MMP17: variants seen among roughly 807,000 people sequenced by gnomAD.
The protein encoded by MMP17 is matrix metalloproteinase-17.
Under a neutral mutation model 49.1 loss-of-function variants are expected in MMP17, and 54 were observed. The ratio of observed to expected loss-of-function variants is 1.10; its 90% CI spans 0.88 to 1.38. The LOEUF is 1.38. MMP17 is among the 40% of genes most tolerant of loss of function. MMP17 has a pLI of 0.00. For synonymous variants in MMP17, 397 were observed against 383.1 expected, an observed-to-expected ratio of 1.04 and a Z score of -0.42; for missense variants, 837 against 853.7, an observed-to-expected ratio of 0.98 and a Z score of 0.24.
chr12:131,844,751 C>A, intron 6 of MMP17: 1 of 309,396 alleles, frequency 3.2e-6, no homozygotes, highest in East Asian at 6.6e-5. Flanking sequence ...TCGCTGTGAA[C>A]ACGCTTCTTG....
rs376090392 is a variant in MMP17, at chr12:131,851,046, C to T, written c.1584C>T (p.Ala528=). The change falls in exon 10 of 10, where the codon GCC becomes GCT. Residue 528 remains alanine, a synonymous_variant. Coordinates refer to ENST00000360564, the MANE Select transcript of MMP17 (RefSeq NM_016155.7). The part of the protein sequence containing the change: ...RDWLVCGDSQ[A]DGSVAAGVDA... ...GGCTGGTGTGTGGAGACTCACAGGC[C>T]GATGGATCTGTGGCTGCGGGCGTGG... 18 of 1,609,068 alleles carry T rather than the reference C, an allele frequency of 1.1e-5. No individual in the cohort carries two copies. Among genetic ancestry groups the T allele is most frequent in the Admixed American group, 6.7e-5 (4 of 59,530 alleles).
At position 131,846,334 on chromosome 12, in the gene MMP17, C is replaced by T. The variant is rs774422791; in HGVS notation, c.1204+885C>T. Reference sequence around the variant, plus strand: ...TCCGCATCTTCTCTTATAAGGAAGCCGGGCCTTGATTCAGGTCCCCTAGTC... The same window carrying T: ...TCCGCATCTTCTCTTATAAGGAAGCTGGGCCTTGATTCAGGTCCCCTAGTC... On this transcript the variant is annotated intron_variant, in intron 8 of 9. Coordinates refer to ENST00000360564, the MANE Select transcript of MMP17 (RefSeq NM_016155.7). This position sits in a 1 kb window ranked among gnomAD's most constrained non-coding sequence, Gnocchi z 4.6. Among the ~76,000 whole-genome samples, 21 of 152,096 alleles carry T rather than the reference C, an allele frequency of 1.4e-4. No homozygotes were observed. The highest frequency in any genetic ancestry group is 2.1e-4 in the Non-Finnish European group (14 of 68,008).
At chr12:131,838,003 C>T in intron 1 of MMP17, 192 bp from the exon 2 acceptor site, 1 of 626,526 alleles carries the variant, frequency 1.6e-6, no homozygotes, top group Admixed American at 3.3e-5. Context: ...AGCCACAGCA[C>T]CCGGCCAGGG....
chr12:131,851,109 TGACCAGAGCCGCTCGGA>T lies in MMP17; in HGVS notation c.1649_1665del (p.Asp550GlyfsTer56). ...GGCCCCGCGCCCCTCCAGGACAACA[TGACCAGAGCCGCTCGGA>T]GGACGGTTACGAGGTCTGCTCATGC... On this transcript the variant is annotated frameshift_variant, in exon 10 of 10. Coordinates refer to ENST00000360564, the MANE Select transcript of MMP17 (RefSeq NM_016155.7). LOFTEE classifies it low-confidence loss of function (END_TRUNC). 1 of 1,595,618 alleles carries T rather than the reference TGACCAGAGCCGCTCGGA, an allele frequency of 6.3e-7. No homozygotes were observed. The highest frequency in any genetic ancestry group is 2.3e-5 in the East Asian group (1 of 43,794).
chr12:131,848,336 T>C (rs1363535152), intron 8 of MMP17, among the ~76,000 whole-genome samples: 1 of 152,240 alleles, frequency 6.6e-6, no homozygotes, highest in Non-Finnish European at 1.5e-5. Flanking sequence ...TCCACCCACC[T>C]TGGCCTCCCA....
At chr12:131,832,840 C>A (rs1358246307) in intron 1 of MMP17, among the ~76,000 whole-genome samples, 2 of 152,238 alleles carry the variant, frequency 1.3e-5, no homozygotes, top group Non-Finnish European at 2.9e-5. Flanking sequence ...ACACCCGCTC[C>A]TCTGCGCTGT....
At chr12:131,830,552 A>G (rs1305860063) in intron 1 of MMP17, among the ~76,000 whole-genome samples, 1 of 152,162 alleles carries the variant, frequency 6.6e-6, no homozygotes, top group African/African-American at 2.4e-5. Flanking sequence ...GCTCAGGCCC[A>G]GGGGCGGGCG....
intron 1 of MMP17, among the ~76,000 whole-genome samples, chr12:131,832,315 G>C (rs1886865212): frequency 1.1e-5 from 1 of 87,314 alleles, no homozygotes; most frequent in Admixed American, 1.2e-4. Context: ...GGGGGGACGG[G>C]AACGGGGAAG....
chr12:131,847,361 T>C (rs533722430), intron 8 of MMP17, among the ~76,000 whole-genome samples: 17 of 137,614 alleles, frequency 1.2e-4, no homozygotes, highest in Middle Eastern at 3.9e-3. Flanking sequence ...TGCAGTGAGG[T>C]GAGATCACAC....
At chr12:131,848,366 A>G (rs904519033) in intron 8 of MMP17, among the ~76,000 whole-genome samples, 2 of 152,190 alleles carry the variant, frequency 1.3e-5, no homozygotes, top group Non-Finnish European at 2.9e-5. Flanking sequence ...GATTACAGGC[A>G]TGAGCCACCA....
intron 8 of MMP17, among the ~76,000 whole-genome samples, chr12:131,848,866 G>A (rs1887835703): frequency 6.6e-6 from 1 of 152,224 alleles, no homozygotes; most frequent in Non-Finnish European, 1.5e-5. Flanking sequence ...ACGCTGCTAT[G>A]AGCGTGAGTG....
At chr12:131,840,942 A>C (rs1593230517) in intron 4 of MMP17, 86 bp downstream of exon 4, 1 of 1,413,176 alleles carries the variant, frequency 7.1e-7, no homozygotes, top group Non-Finnish European at 9.3e-7. Context: ...CCCATCCCCA[A>C]CCCTGCGGCT....
intron 3 of MMP17, 155 bp from the exon 4 acceptor site, chr12:131,840,418 T>C (rs1887325504): frequency 1.4e-6 from 1 of 737,438 alleles, no homozygotes; most frequent in Non-Finnish European, 2.2e-6. Context: ...CCGCCGTGAG[T>C]GCATCGGATG....
intron 8 of MMP17, among the ~76,000 whole-genome samples, chr12:131,848,906 G>A (rs1056317800): frequency 1.3e-5 from 2 of 152,178 alleles, no homozygotes; most frequent in African/African-American, 4.8e-5. Context: ...CCCTGCTTTC[G>A]GTTCTTTTGG....
In MMP17 at chr12:131,851,741, G is replaced by A. The variant is rs79040389; in HGVS notation, c.*467G>A. The stretch of plus-strand genomic sequence containing the variant: ...CCGCGGCACGTCCCCCCTGTGACGC[G>A]TTCCAGACCAACATGACCTCTCCCT... On this transcript the variant is annotated 3_prime_UTR_variant, in exon 10 of 10. Transcript: ENST00000360564. The A allele has an allele frequency of 4.3e-3, 685 of 157,606 alleles. 5 individuals are homozygous for A. Among genetic ancestry groups the A allele is most frequent in the African/African-American group, 0.015 (607 of 41,776 alleles). 9.8% of individuals were successfully genotyped at this position (157,606 alleles called of 1,614,324 possible). A position where few individuals can be genotyped will look rare whatever the true frequency, so the allele number is the denominator to read the frequency against.
chr12:131,835,952 C>T (rs1015350541), intron 1 of MMP17, among the ~76,000 whole-genome samples: 3 of 152,322 alleles, frequency 2.0e-5, no homozygotes, highest in Non-Finnish European at 2.9e-5. Context: ...ACCGGATGCT[C>T]GGGGCCAAAG....
Position 131,849,871 on chromosome 12 carries a change from G to C in MMP17, c.1274G>C (p.Ser425Thr), listed in dbSNP as rs777146432. The change falls in exon 9 of 10, where the codon AGC (serine) becomes ACC (threonine). Residue 425 changes from serine to threonine, a missense_variant. Transcript: ENST00000360564. ...TACCCGCGCCCCGTCTCCGACTTCA[G>C]CCTCCCGCCTGGCGGCATCGACGCT... ...EGYPRPVSDF[S>T]LPPGGIDAAF... The C allele has an allele frequency of 1.2e-6, 2 of 1,614,008 alleles. No homozygotes were observed. The highest frequency in any genetic ancestry group is 1.1e-5 in the South Asian group (1 of 91,068).
chr12:131,851,178 G>T lies in MMP17; in HGVS notation c.1716G>T (p.Gly572=). Residue 572 remains glycine (G), a synonymous_variant, in exon 10 of 10, where the codon GGG becomes GGT. Coordinates refer to ENST00000360564, the MANE Select transcript of MMP17 (RefSeq NM_016155.7). ...CCTCTGGGGCATCCTCTCCCCCGGG[G>T]GCCCCAGGCCCACTGGTGGCTGCCA... ...SCTSGASSPP[G]APGPLVAATM... 6.8e-7 allele frequency: 1 copy of T among 1,472,818 alleles called. No homozygotes were observed. Among genetic ancestry groups the T allele is most frequent in the Non-Finnish European group, 9.0e-7 (1 of 1,109,186 alleles). The allele number at this position is 1,472,818 out of a possible 1,614,324, so 91.2% of individuals were successfully genotyped here. A position where few individuals can be genotyped will look rare whatever the true frequency, so the allele number is the denominator to read the frequency against.
intron 4 of MMP17, among the ~76,000 whole-genome samples, chr12:131,841,316 G>T (rs118090090): frequency 6.6e-6 from 1 of 152,334 alleles, no homozygotes; most frequent in South Asian, 2.1e-4. Flanking sequence ...CAGGTCATCC[G>T]ACCGACACCT....
Sources: allele counts gnomAD v4.1 joint callset (sites outside exome capture counted in the v4.1 genomes callset), GRCh38; gene constraint gnomAD v4.1.1; non-coding constraint Gnocchi (gnomAD v3.1); transcripts MANE v1.5; gene names NCBI Gene and HGNC (gene_info 2026-07-23, HGNC 2026-07-21).